Variants in TGFB2 observed in about 807,000 individuals in gnomAD.
TGFB2 encodes the protein transforming growth factor beta 2.
TGFB2 carries 13 observed loss-of-function variants against 42.7 expected under a neutral mutation model. The observed-to-expected ratio is 0.30, with a 90% CI of 0.20 to 0.48. The LOEUF (loss-of-function observed/expected upper bound fraction) is 0.48, where lower values mean the gene tolerates loss of function less well. Among genes scored for constraint, TGFB2 ranks in the 20% least tolerant of loss-of-function variants. The pLI, the probability that TGFB2 is intolerant of heterozygous loss-of-function variation, is 0.99. For missense variants in TGFB2, 390 were observed against 517.5 expected, an observed-to-expected ratio of 0.75 and a Z score of 2.39; for synonymous variants, 193 against 193.6, an observed-to-expected ratio of 1.00 and a Z score of 0.03.
At chr1:218,423,955 C>G (rs12048049) in intron 2 of TGFB2, among the ~76,000 whole-genome samples, 56,998 of 152,098 alleles carry the variant, frequency 0.37, 11,579 homozygotes, top group East Asian at 0.71. Context: ...AAAGCCTCTG[C>G]ACCTTTTCGC....
Position 218,441,657 on chromosome 1 carries a change from T to G in TGFB2, c.*295T>G. ...AGAAAAAAATAAACACTGGAAGAATTTATTAGTGTTAATTATGTGAACAAC... is the reference window on the plus strand; with the variant it reads ...AGAAAAAAATAAACACTGGAAGAATGTATTAGTGTTAATTATGTGAACAAC... On this transcript the variant is annotated 3_prime_UTR_variant, in exon 7 of 7. Coordinates refer to ENST00000366930, the MANE Select transcript of TGFB2 (RefSeq NM_003238.6). 1 of 235,208 alleles carries G rather than the reference T, an allele frequency of 4.3e-6. No homozygotes were observed. Among genetic ancestry groups the G allele is most frequent in the South Asian group, 9.0e-5 (1 of 11,154 alleles). 14.6% of individuals were successfully genotyped at this position (235,208 alleles called of 1,614,324 possible).
intron 1 of TGFB2, among the ~76,000 whole-genome samples, chr1:218,377,986 T>C (rs572257563): frequency 9.4e-4 from 140 of 149,006 alleles, no homozygotes; most frequent in African/African-American, 3.4e-3. Context: ...GTTTGTTTGT[T>C]TGTTTTTGAT....
intron 2 of TGFB2, among the ~76,000 whole-genome samples, chr1:218,422,673 T>A (rs1183617526): frequency 1.3e-5 from 2 of 152,196 alleles, no homozygotes; most frequent in Admixed American, 1.3e-4. Flanking sequence ...ATAGATGCCC[T>A]GCCTGTAACA....
intron 1 of TGFB2, among the ~76,000 whole-genome samples, chr1:218,393,343 C>T (rs2102580894): frequency 6.6e-6 from 1 of 152,248 alleles, no homozygotes; most frequent in Non-Finnish European, 1.5e-5. Flanking sequence ...AAGATTTTAC[C>T]CTTCAGTTTC....
chr1:218,386,308 G>A (rs182222332), intron 1 of TGFB2, among the ~76,000 whole-genome samples: 12 of 152,262 alleles, frequency 7.9e-5, no homozygotes, highest in African/African-American at 2.4e-4. Context: ...GAGAATGGTG[G>A]GGATTGGAAA....
chr1:218,358,673 C>A (rs1203216538), intron 1 of TGFB2, among the ~76,000 whole-genome samples: 1 of 151,776 alleles, frequency 6.6e-6, no homozygotes, highest in Non-Finnish European at 1.5e-5. Context: ...CTCAGCCTCC[C>A]GAGTAGCTGG....
At position 218,443,576 on chromosome 1, in the gene TGFB2, T is replaced by G. The variant is rs1157664282; in HGVS notation, c.*2214T>G. 2.0e-5 allele frequency: 3 copies of G among 152,242 alleles called. No individual in the cohort carries two copies. The highest frequency in any genetic ancestry group is 2.9e-5 in the Non-Finnish European group (2 of 68,044). 9.4% of individuals were successfully genotyped at this position (152,242 alleles called of 1,614,324 possible). A position where few individuals can be genotyped will look rare whatever the true frequency, so the allele number is the denominator to read the frequency against. On this transcript the variant is annotated 3_prime_UTR_variant, in exon 7 of 7. Transcript: ENST00000366930. Reference sequence around the variant, plus strand: ...TTTTTTGTCTTCCACTTTTCTATTATGTGTAAATCACTTTTATTTCTGCAG... The same window carrying G: ...TTTTTTGTCTTCCACTTTTCTATTAGGTGTAAATCACTTTTATTTCTGCAG...
At chr1:218,418,698 G>T (rs531423303) in intron 2 of TGFB2, among the ~76,000 whole-genome samples, 55 of 152,222 alleles carry the variant, frequency 3.6e-4, no homozygotes, top group African/African-American at 1.3e-3. Context: ...CTAGTGGGAG[G>T]TAATTGAATC....
chr1:218,408,845 A>G (rs537454560), intron 2 of TGFB2, among the ~76,000 whole-genome samples: 1 of 152,176 alleles, frequency 6.6e-6, no homozygotes, highest in Admixed American at 6.5e-5. Flanking sequence ...TCCACAGAGC[A>G]TTACTTTTAT....
At chr1:218,439,162 A>G (rs1163285321) in intron 6 of TGFB2, among the ~76,000 whole-genome samples, 1 of 151,556 alleles carries the variant, frequency 6.6e-6, no homozygotes, top group African/African-American at 2.4e-5. Context: ...TCTAGATGAT[A>G]CCCAAAACCA....
At position 218,413,960 on chromosome 1, in the gene TGFB2, G is replaced by A. The variant is rs570237325; in HGVS notation, c.510+8628G>A. 2.0e-5 allele frequency among the ~76,000 whole-genome samples: 3 copies of A among 152,290 alleles called. No homozygotes were observed. In the South Asian group the frequency reaches 6.2e-4, roughly 32 times the overall value. On this transcript the variant is annotated intron_variant, in intron 2 of 6. Transcript: ENST00000366930. Reference sequence around the variant, plus strand: ...GATAGGGTGAATTGATGTTTATGGAGCAAAATAAGTAAGGGAAGATGGTAG... The same window carrying A: ...GATAGGGTGAATTGATGTTTATGGAACAAAATAAGTAAGGGAAGATGGTAG...
At chr1:218,378,563 C>G (rs1657834676) in intron 1 of TGFB2, among the ~76,000 whole-genome samples, 1 of 152,156 alleles carries the variant, frequency 6.6e-6, no homozygotes, top group Admixed American at 6.5e-5. Context: ...CTCCTCCCCC[C>G]TCGGCCTCCC....
At chr1:218,402,321 G>T (rs1047758810) in intron 1 of TGFB2, among the ~76,000 whole-genome samples, 5 of 152,232 alleles carry the variant, frequency 3.3e-5, no homozygotes, top group Non-Finnish European at 7.3e-5. Flanking sequence ...AGCCAGAGGG[G>T]AGGAGGGCTG....
At chr1:218,401,107 A>G (rs1018258380) in intron 1 of TGFB2, among the ~76,000 whole-genome samples, 1 of 152,168 alleles carries the variant, frequency 6.6e-6, no homozygotes, top group African/African-American at 2.4e-5. Context: ...GAGGATGGAG[A>G]CCCTGTGCCC....
intron 1 of TGFB2, among the ~76,000 whole-genome samples, chr1:218,391,468 A>G (rs1043771854): frequency 1.3e-5 from 2 of 152,198 alleles, no homozygotes. Flanking sequence ...AACAAACTTG[A>G]AGACCTTTGT....
At chr1:218,405,486 TC>T in intron 2 of TGFB2, 154 bp downstream of exon 2, 3 of 1,355,284 alleles carry the variant, frequency 2.2e-6, no homozygotes, top group Non-Finnish European at 3.1e-6. Flanking sequence ...TGCCTCAGCC[TC>T]CCTAGTCAAT....
At chr1:218,440,617 G>C (rs2102633564) in intron 6 of TGFB2, among the ~76,000 whole-genome samples, 1 of 152,296 alleles carries the variant, frequency 6.6e-6, no homozygotes, top group Non-Finnish European at 1.5e-5. Context: ...AAGCTCTTAT[G>C]AGAGCTTTGA....
At chr1:218,381,832 G>GGTGT (rs140110561) in intron 1 of TGFB2, among the ~76,000 whole-genome samples, 12 of 151,480 alleles carry the variant, frequency 7.9e-5, no homozygotes, top group Middle Eastern at 3.4e-3. Flanking sequence ...TGTGTGTAGG[G>GGTGT]GTGTGTGTGT....
At chr1:218,425,190 TTTTGTTTG>T (rs376036968) in intron 2 of TGFB2, among the ~76,000 whole-genome samples, 4 of 152,188 alleles carry the variant, frequency 2.6e-5, no homozygotes, top group East Asian at 3.9e-4. Context: ...GGCTTCCGTT[TTTTGTTTG>T]TTTGTTTGTT....
Sources: allele counts gnomAD v4.1 joint callset (sites outside exome capture counted in the v4.1 genomes callset), GRCh38; gene constraint gnomAD v4.1.1; transcripts MANE v1.5; gene names NCBI Gene and HGNC (gene_info 2026-07-23, HGNC 2026-07-21).